Variants in ACSM2A observed in about 807,000 individuals in gnomAD.
ACSM2A encodes the protein acyl-CoA synthetase medium chain family member 2A.
Under a neutral mutation model 76.6 loss-of-function variants are expected in ACSM2A, and 72 were observed. The ratio of observed to expected loss-of-function variants is 0.94; its 90% CI spans 0.78 to 1.14. The LOEUF is 1.14. ACSM2A is among the 50% of genes most tolerant of loss of function. ACSM2A has a pLI of 0.00. For missense variants in ACSM2A, 684 were observed against 708.5 expected (o/e 0.97, Z 0.39); for synonymous variants, 249 against 255.9 (o/e 0.97, Z 0.26).
intron 7 of ACSM2A, 52 bp downstream of exon 7, chr16:20,475,493 C>T (rs2013681254): frequency 6.2e-7 from 1 of 1,609,738 alleles, no homozygotes; most frequent in Non-Finnish European, 8.5e-7. Context: ...CCCCCTGACT[C>T]CCTCACATAC....
chr16:20,484,068 C>A (rs1423616687), intron 13 of ACSM2A, among the ~76,000 whole-genome samples: 1 of 149,528 alleles, frequency 6.7e-6, no homozygotes, highest in East Asian at 1.9e-4. Context: ...CAACAAAATT[C>A]TCTGGGTTGA....
At chr16:20,482,512 T>G (rs1211605708) in intron 12 of ACSM2A, 1 of 153,490 alleles carries the variant, frequency 6.5e-6, no homozygotes, top group Admixed American at 6.4e-5. Flanking sequence ...GGTGTAAGCC[T>G]GGCACTATCA....
rs375397502 is a variant in ACSM2A, at chr16:20,462,713, A to G, written c.177+2422A>G. ...ATAAAACAGAGAAATTAGAACCCTT[A>G]TGCATCATGATGGGTATGTAAAATG... On this transcript the variant is annotated intron_variant, in intron 2 of 13. Transcript: ENST00000573854. Among the ~76,000 whole-genome samples, 170 of 152,272 alleles carry G rather than the reference A, an allele frequency of 1.1e-3. 3 individuals carry two copies. The South Asian group carries it at 0.03, about 27-fold the overall frequency.
chr16:20,474,614 A>G (rs1296170464), intron 6 of ACSM2A, among the ~76,000 whole-genome samples: 1 of 152,216 alleles, frequency 6.6e-6, no homozygotes, highest in African/African-American at 2.4e-5. Flanking sequence ...ACTCTATTAC[A>G]TTCTGCATAA....
intron 1 of ACSM2A, among the ~76,000 whole-genome samples, chr16:20,456,997 A>G (rs562392873): frequency 6.6e-6 from 1 of 152,164 alleles, no homozygotes; most frequent in East Asian, 1.9e-4. Flanking sequence ...ACAGAAATAC[A>G]AAAGATCATT....
intron 6 of ACSM2A, among the ~76,000 whole-genome samples, chr16:20,474,561 C>T (rs1326664235): frequency 1.3e-5 from 2 of 152,166 alleles, no homozygotes; most frequent in Non-Finnish European, 2.9e-5. Flanking sequence ...ATTACTCAGT[C>T]TCCGGTACTC....
intron 10 of ACSM2A, among the ~76,000 whole-genome samples, chr16:20,479,316 T>C (rs1344387128): frequency 6.6e-6 from 1 of 152,224 alleles, no homozygotes; most frequent in Admixed American, 6.5e-5. Flanking sequence ...TAATAGTTTC[T>C]ACCATTTATT....
At chr16:20,464,433 C>T (rs769151112) in intron 2 of ACSM2A, among the ~76,000 whole-genome samples, 52 of 152,158 alleles carry the variant, frequency 3.4e-4, no homozygotes, top group Non-Finnish European at 6.8e-4. Context: ...GTGCTGGCAT[C>T]TGCTTCTGAT....
chr16:20,472,597 A>C (rs977612908), intron 6 of ACSM2A, among the ~76,000 whole-genome samples: 2 of 152,042 alleles, frequency 1.3e-5, no homozygotes. Context: ...GACATGAAAC[A>C]TTCCCACCAC....
intron 6 of ACSM2A, among the ~76,000 whole-genome samples, chr16:20,474,425 T>C (rs2013603467): frequency 6.6e-6 from 1 of 152,102 alleles, no homozygotes; most frequent in Admixed American, 6.6e-5. Context: ...TACAATGTGA[T>C]GCCCCGACCC....
chr16:20,475,333 C>A (rs762997514), intron 6 of ACSM2A, 29 bp from the exon 7 acceptor site: 1 of 1,613,428 alleles, frequency 6.2e-7, no homozygotes, highest in Non-Finnish European at 8.5e-7. Context: ...ACCTGGTGAC[C>A]AATGTCTCAC....
intron 6 of ACSM2A, among the ~76,000 whole-genome samples, chr16:20,474,523 G>T (rs762169845): frequency 6.6e-6 from 1 of 152,110 alleles, no homozygotes; most frequent in Non-Finnish European, 1.5e-5. Flanking sequence ...CCCTAGAACT[G>T]CAAGAAATAA....
intron 5 of ACSM2A, 83 bp downstream of exon 5, chr16:20,471,299 C>T (rs2013378457): frequency 6.4e-7 from 1 of 1,553,786 alleles, no homozygotes; most frequent in Non-Finnish European, 8.7e-7. Flanking sequence ...TATATTAAGT[C>T]AGGTCAACCG....
intron 2 of ACSM2A, among the ~76,000 whole-genome samples, chr16:20,464,507 A>G (rs1489332994): frequency 1.3e-5 from 2 of 152,206 alleles, no homozygotes; most frequent in East Asian, 3.9e-4. Flanking sequence ...AATAAAGGGC[A>G]AGATGAGGAG....
chr16:20,460,016 T>C (rs2012507683), intron 1 of ACSM2A, 91 bp from the exon 2 acceptor site: 1 of 1,440,680 alleles, frequency 6.9e-7, no homozygotes, highest in Non-Finnish European at 9.3e-7. Context: ...AAGAATCCTA[T>C]AAGGTTGGGA....
At chr16:20,479,600 T>C (rs531099630) in intron 10 of ACSM2A, among the ~76,000 whole-genome samples, 9 of 152,164 alleles carry the variant, frequency 5.9e-5, no homozygotes, top group African/African-American at 2.2e-4. Context: ...ATTCCTATTA[T>C]ACAGATGAGG....
chr16:20,471,414 T>A, intron 5 of ACSM2A, 122 bp from the exon 6 acceptor site: 4 of 1,499,968 alleles, frequency 2.7e-6, no homozygotes, highest in Non-Finnish European at 3.6e-6. Context: ...CCTATAAACC[T>A]GCAGGCAGAT....
chr16:20,476,781 T>C (rs2013761316), intron 8 of ACSM2A: 1 of 957,414 alleles, frequency 1.0e-6, no homozygotes, highest in Non-Finnish European at 1.3e-6. Flanking sequence ...CAGTGAGGCA[T>C]CCACCACTCA....
Position 20,469,590 on chromosome 16 carries a change from C to T in ACSM2A, c.467C>T (p.Ala156Val), listed in dbSNP as rs776460642. ...LYRLQMSKAK[A>V]IVAGDEVIQE... ...AGGTTGCAGATGTCTAAGGCCAAGG[C>T]TATTGTTGCTGGGGATGAAGTCATC... Residue 156 changes from alanine to valine, a missense_variant, in exon 4 of 14, where the codon GCT becomes GTT. Around this residue, in one of 3 missense-constraint regions of ACSM2A, gnomAD observed 519 missense variants for 549.5 expected, o/e 0.94. Transcript: ENST00000573854. 6.2e-6 allele frequency: 10 copies of T among 1,613,808 alleles called. No homozygotes were observed. Among genetic ancestry groups the T allele is most frequent in the Non-Finnish European group, 8.5e-6 (10 of 1,179,844 alleles).
Sources: gnomAD v4.1 joint callset for allele counts (sites outside exome capture counted in the v4.1 genomes callset) on GRCh38, gnomAD v4.1.1 for gene constraint, gnomAD v4.1.1 regional missense constraint, MANE v1.5 for transcripts, NCBI Gene and HGNC (gene_info 2026-07-23, HGNC 2026-07-21) for gene names.